WWC1: variants seen among roughly 807,000 people sequenced by gnomAD.
WWC1 encodes the protein protein KIBRA.
Under a neutral mutation model 138.4 loss-of-function variants are expected in WWC1, and 55 were observed. The observed-to-expected ratio is 0.40, with a 90% CI of 0.32 to 0.50. The LOEUF is 0.50. WWC1 is among the 20% of genes least tolerant of loss of function. WWC1 has a pLI of 0.72. For missense variants in WWC1, 1,226 were observed against 1,420.4 expected (o/e 0.86, Z 2.20); for synonymous variants, 524 against 564.9 (o/e 0.93, Z 1.03).
intron 17 of WWC1, among the ~76,000 whole-genome samples, chr5:168,448,330 C>T (rs1561781287): frequency 1.3e-5 from 2 of 152,146 alleles, no homozygotes; most frequent in Admixed American, 6.6e-5. Context: ...CAAAACCCGG[C>T]GTGTCACTGG....
intron 3 of WWC1, among the ~76,000 whole-genome samples, chr5:168,393,017 T>C (rs906289657): frequency 6.6e-6 from 1 of 151,654 alleles, no homozygotes; most frequent in Non-Finnish European, 1.5e-5. Flanking sequence ...GAAATTAAAA[T>C]ATGAGAGTAG....
intron 3 of WWC1, 38 bp downstream of exon 3, chr5:168,385,452 A>G: frequency 6.3e-7 from 1 of 1,598,310 alleles, no homozygotes; most frequent in East Asian, 2.2e-5. Flanking sequence ...CACCGACACC[A>G]ACAGAGAATG....
intron 1 of WWC1, among the ~76,000 whole-genome samples, chr5:168,363,331 C>A (rs2152801500): frequency 6.6e-6 from 1 of 152,086 alleles, no homozygotes; most frequent in East Asian, 1.9e-4. Context: ...TGAGACCAGA[C>A]TGACAAACAT....
chr5:168,366,724 G>T (rs1219454329), intron 1 of WWC1, among the ~76,000 whole-genome samples: 2 of 151,410 alleles, frequency 1.3e-5, no homozygotes, highest in East Asian at 3.9e-4. Flanking sequence ...CGGGGTTTCA[G>T]TCCCGTCCTC....
chr5:168,431,268 G>A lies in WWC1; in HGVS notation c.2104G>A (p.Val702Ile), dbSNP rs1295693653. The change falls in exon 15 of 23, where the codon GTC becomes ATC. Residue 702 changes from valine to isoleucine, a missense_variant. By Grantham distance (29) the Val-to-Ile change is conservative. This residue lies in a region of WWC1 where 1,016 missense variants were observed against 1,153.9 expected (regional missense o/e 0.88). Coordinates refer to ENST00000265293, the MANE Select transcript of WWC1 (RefSeq NM_015238.3). ...TCCCTCTAGGAATATCCGCGTGGCTGTCCTTCCTTGCTCTGAAAGCACAAC... is the reference window on the plus strand; with the variant it reads ...TCCCTCTAGGAATATCCGCGTGGCTATCCTTCCTTGCTCTGAAAGCACAAC... ...QDQKVNIRVAVLPCSESTTCL... is the reference protein window; with the variant it reads ...QDQKVNIRVAILPCSESTTCL... The A allele has an allele frequency of 3.1e-6, 5 of 1,613,448 alleles. No homozygotes were observed. The Admixed American group carries it at 6.7e-5, about 22-fold the overall frequency.
intron 3 of WWC1, among the ~76,000 whole-genome samples, chr5:168,394,355 A>C (rs887687982): frequency 6.6e-6 from 1 of 152,236 alleles, no homozygotes; most frequent in South Asian, 2.1e-4. Flanking sequence ...GTTCATATAT[A>C]ACTTTAATAA....
At chr5:168,369,983 C>T (rs1233565099) in intron 1 of WWC1, among the ~76,000 whole-genome samples, 1 of 147,312 alleles carries the variant, frequency 6.8e-6, no homozygotes, top group Non-Finnish European at 1.5e-5. Context: ...TCAGTGCACC[C>T]TCCACTTCCC....
intron 9 of WWC1, among the ~76,000 whole-genome samples, chr5:168,418,293 C>T (rs1184617486): frequency 6.6e-6 from 1 of 152,212 alleles, no homozygotes; most frequent in Non-Finnish European, 1.5e-5. Flanking sequence ...GGGCCTTCCC[C>T]ACTGCTCCCC....
intron 18 of WWC1, among the ~76,000 whole-genome samples, chr5:168,454,776 C>T (rs1262198495): frequency 1.3e-5 from 2 of 152,208 alleles, no homozygotes; most frequent in African/African-American, 2.4e-5. Context: ...AGCCAGTGGG[C>T]GTGCCCTTTC....
chr5:168,361,289 A>G (rs1366217155), intron 1 of WWC1, among the ~76,000 whole-genome samples: 3 of 152,140 alleles, frequency 2.0e-5, no homozygotes, highest in Non-Finnish European at 2.9e-5. Context: ...AGGAATGAGG[A>G]TGAAGCTGGG....
chr5:168,461,068 C>A (rs1339712992), intron 20 of WWC1, among the ~76,000 whole-genome samples: 1 of 152,200 alleles, frequency 6.6e-6, no homozygotes, highest in Non-Finnish European at 1.5e-5. Context: ...GTGGCTCACA[C>A]CTGTAATCCC....
chr5:168,331,603 C>T (rs1393183346), intron 1 of WWC1, among the ~76,000 whole-genome samples: 1 of 152,214 alleles, frequency 6.6e-6, no homozygotes, highest in Non-Finnish European at 1.5e-5. Context: ...GTGAGGTACT[C>T]TTATCAATGC....
chr5:168,410,131 C>G (rs1780112859), intron 8 of WWC1, 136 bp downstream of exon 8: 1 of 880,732 alleles, frequency 1.1e-6, no homozygotes, highest in Non-Finnish European at 1.8e-6. Flanking sequence ...AGTTATTATA[C>G]TTTTTATATT....
intron 18 of WWC1, among the ~76,000 whole-genome samples, chr5:168,454,719 C>T (rs1756149441): frequency 1.3e-5 from 2 of 152,206 alleles, no homozygotes; most frequent in South Asian, 2.1e-4. Flanking sequence ...CCTGGGCCCT[C>T]GTTCTAACTC....
Position 168,453,949 on chromosome 5 carries a change from A to C in WWC1, c.2526-19A>C. On this transcript the variant is annotated intron_variant, in intron 17 of 22. Transcript: ENST00000265293. ...AGAGCGGCTTCTGGGTGGGTAACCA[A>C]AGTGCTTTGTCATCACAGGAGGTAT... The C allele has an allele frequency of 6.2e-7, 1 of 1,611,924 alleles. No homozygotes were observed. The highest frequency in any genetic ancestry group is 1.1e-5 in the South Asian group (1 of 90,886).
intron 1 of WWC1, among the ~76,000 whole-genome samples, chr5:168,329,593 T>C (rs530859848): frequency 9.2e-5 from 14 of 152,320 alleles, no homozygotes; most frequent in African/African-American, 3.4e-4. Context: ...GGAGTGTTTA[T>C]AATTAACAAG....
chr5:168,413,868 C>T (rs902372986), intron 8 of WWC1, among the ~76,000 whole-genome samples: 7 of 152,238 alleles, frequency 4.6e-5, no homozygotes, highest in African/African-American at 7.2e-5. Flanking sequence ...CCCAATGTTA[C>T]ATACCTAATA....
chr5:168,300,944 G>T (rs1770014051), intron 1 of WWC1, among the ~76,000 whole-genome samples: 2 of 152,230 alleles, frequency 1.3e-5, no homozygotes, highest in South Asian at 4.1e-4. Context: ...GCTTTTCTTG[G>T]AGAGTCGGGC....
chr5:168,465,548 CTTTTT>C (rs10527141), intron 21 of WWC1, among the ~76,000 whole-genome samples: 3 of 46,932 alleles, frequency 6.4e-5, no homozygotes, highest in South Asian at 9.0e-4. Flanking sequence ...ATCAGCTGGG[CTTTTT>C]TTTTTTTTTT....
Sources: gnomAD v4.1 joint callset for allele counts (sites outside exome capture counted in the v4.1 genomes callset) on GRCh38, gnomAD v4.1.1 for gene constraint, gnomAD v4.1.1 regional missense constraint, MANE v1.5 for transcripts, NCBI Gene and HGNC (gene_info 2026-07-23, HGNC 2026-07-21) for gene names.